CCNY: variants seen among roughly 807,000 people sequenced by gnomAD.
CCNY encodes cyclin-Y.
A neutral mutation model predicts 42.8 loss-of-function variants in CCNY; 19 were observed. The observed-to-expected ratio is 0.44, with a 90% CI of 0.31 to 0.65. The LOEUF (loss-of-function observed/expected upper bound fraction) is 0.65, where lower values mean the gene tolerates loss of function less well. Among genes scored for constraint, CCNY ranks in the 30% least tolerant of loss-of-function variants. The pLI is 0.07. For missense variants in CCNY, 370 were observed against 437.3 expected, an observed-to-expected ratio of 0.85 and a Z score of 1.37; for synonymous variants, 165 against 162.7, an observed-to-expected ratio of 1.01 and a Z score of -0.11.
At chr10:35,527,882 G>A (rs1040148305) in intron 5 of CCNY, among the ~76,000 whole-genome samples, 3 of 152,182 alleles carry the variant, frequency 2.0e-5, no homozygotes, top group African/African-American at 7.2e-5. Context: ...GTGGTGTGGT[G>A]CTGTTCAGTT....
At chr10:35,471,746 G>C (rs925861478) in intron 1 of CCNY, among the ~76,000 whole-genome samples, 1 of 152,206 alleles carries the variant, frequency 6.6e-6, no homozygotes, top group Non-Finnish European at 1.5e-5. Context: ...TAATTCAGCT[G>C]TGTGTCTTAA....
At chr10:35,384,486 G>A (rs569427301) in intron 1 of CCNY, among the ~76,000 whole-genome samples, 11 of 152,224 alleles carry the variant, frequency 7.2e-5, no homozygotes, top group African/African-American at 2.4e-4. Flanking sequence ...AGCTATCTAC[G>A]TAGGAACAAA....
intron 1 of CCNY, among the ~76,000 whole-genome samples, chr10:35,470,490 C>T (rs1000807706): frequency 1.3e-5 from 2 of 152,208 alleles, no homozygotes; most frequent in South Asian, 2.1e-4. Context: ...GACACAGAGA[C>T]ACACACTTGC....
chr10:35,391,528 G>A (rs957569797), intron 1 of CCNY, among the ~76,000 whole-genome samples: 4 of 152,178 alleles, frequency 2.6e-5, no homozygotes, highest in Non-Finnish European at 5.9e-5. Context: ...GCAAGTGGGC[G>A]ATGAGAACCA....
At position 35,493,653 on chromosome 10, in the gene CCNY, G is replaced by C. The variant is rs976313300; in HGVS notation, c.230-7848G>C. Among the ~76,000 whole-genome samples the C allele has an allele frequency of 8.6e-4, 131 of 152,170 alleles. 3 individuals are homozygous for C. The highest frequency in any genetic ancestry group is 1.8e-4 in the Non-Finnish European group (12 of 68,032). On this transcript the variant is annotated intron_variant, in intron 2 of 9. Transcript: ENST00000374704. Reference sequence around the variant, plus strand: ...CTCTGGAATCAGACTGCCTGAACTGGAGGCTTAGATCCAACACTCTCCACA... The same window carrying C: ...CTCTGGAATCAGACTGCCTGAACTGCAGGCTTAGATCCAACACTCTCCACA...
intron 1 of CCNY, among the ~76,000 whole-genome samples, chr10:35,373,251 ACTT>A (rs1697689281): frequency 6.6e-6 from 1 of 152,112 alleles, no homozygotes. Context: ...AATGAAACCT[ACTT>A]CTTAGGGCTG....
intron 8 of CCNY, among the ~76,000 whole-genome samples, chr10:35,560,901 C>A (rs1009466040): frequency 9.9e-5 from 15 of 152,166 alleles, no homozygotes; most frequent in African/African-American, 3.6e-4. Flanking sequence ...TCCTCGGTAG[C>A]CCTTTATGGG....
chr10:35,502,665 G>A (rs910093887), intron 3 of CCNY, among the ~76,000 whole-genome samples: 3 of 151,824 alleles, frequency 2.0e-5, no homozygotes, highest in African/African-American at 4.8e-5. Context: ...CTTTTCCCTC[G>A]GCCCCTTAAA....
chr10:35,393,226 A>G (rs921301505), intron 1 of CCNY, among the ~76,000 whole-genome samples: 1 of 152,182 alleles, frequency 6.6e-6, no homozygotes, highest in Non-Finnish European at 1.5e-5. Context: ...AGATCTAGTA[A>G]AGAGATGCTC....
chr10:35,524,049 A>G (rs1178166212), intron 4 of CCNY, among the ~76,000 whole-genome samples: 1 of 152,240 alleles, frequency 6.6e-6, no homozygotes, highest in Non-Finnish European at 1.5e-5. Flanking sequence ...CATGACTAGT[A>G]AACGAATGAA....
chr10:35,410,407 T>G (rs1489596084), intron 1 of CCNY, among the ~76,000 whole-genome samples: 1 of 152,082 alleles, frequency 6.6e-6, no homozygotes, highest in Admixed American at 6.5e-5. Flanking sequence ...CTTTTAAAAA[T>G]TATGATGAAC....
Position 35,379,316 on chromosome 10 carries a change from CT to C in CCNY, c.154+42111del, listed in dbSNP as rs1837125479. On this transcript the variant is annotated intron_variant, in intron 1 of 9. Transcript: ENST00000374704. ...CCCCCCTGGACCTGGATGGTTTGAA[CT>C]TCCTGCAAGTGCCAAAGGAGGGGGC... is the stretch of plus-strand genomic sequence containing the variant. 3.9e-5 allele frequency among the ~76,000 whole-genome samples: 6 copies of C among 152,250 alleles called. No homozygotes were observed. In the South Asian group the frequency reaches 1.2e-3, roughly 32 times the overall value.
chr10:35,310,821 A>G (rs1221227331), intron 3 of CCNY, among the ~76,000 whole-genome samples: 1 of 152,162 alleles, frequency 6.6e-6, no homozygotes, highest in East Asian at 1.9e-4. Context: ...AAGTTATATT[A>G]TTCACCAGGG....
chr10:35,397,102 G>C (rs1837543079), intron 1 of CCNY, among the ~76,000 whole-genome samples: 1 of 152,170 alleles, frequency 6.6e-6, no homozygotes. Context: ...TAGGGCTGGG[G>C]TCCCTCTGCC....
intron 1 of CCNY, among the ~76,000 whole-genome samples, chr10:35,438,275 A>T (rs1838584040): frequency 6.6e-6 from 1 of 151,594 alleles, no homozygotes; most frequent in East Asian, 1.9e-4. Context: ...CAGCCTTCCA[A>T]GTAGCTGGGA....
In CCNY at chr10:35,380,918, T is replaced by G. The variant is rs182546439; in HGVS notation, c.154+43711T>G. 2.6e-4 allele frequency among the ~76,000 whole-genome samples: 40 copies of G among 152,346 alleles called. 1 individual carries two copies. Among genetic ancestry groups the G allele is most frequent in the African/African-American group, 7.5e-4 (31 of 41,586 alleles). On this transcript the variant is annotated intron_variant, in intron 1 of 9. Transcript: ENST00000374704. ...TCTGTGGCTTTTCTCTTTCCTTTAT[T>G]CTTTTGATTCTTTTGCAACTGACTT...
At chr10:35,354,405 G>A (rs546420229) in intron 1 of CCNY, among the ~76,000 whole-genome samples, 4 of 152,098 alleles carry the variant, frequency 2.6e-5, no homozygotes, top group African/African-American at 9.6e-5. Flanking sequence ...GGCTGGTCTC[G>A]AACTCCTGAC....
chr10:35,476,735 C>T (rs1401619875), intron 1 of CCNY, among the ~76,000 whole-genome samples: 1 of 150,740 alleles, frequency 6.6e-6, no homozygotes, highest in African/African-American at 2.4e-5. Context: ...ACTAGAAAAG[C>T]AAGAGCAAAC....
chr10:35,556,544 A>G (rs1384019179), intron 8 of CCNY, among the ~76,000 whole-genome samples: 1 of 152,184 alleles, frequency 6.6e-6, no homozygotes, highest in Non-Finnish European at 1.5e-5. Context: ...TGTTCTCTGT[A>G]GAAAAGCTGA....
Sources: allele counts gnomAD v4.1 joint callset (sites outside exome capture counted in the v4.1 genomes callset), GRCh38; gene constraint gnomAD v4.1.1; transcripts MANE v1.5; gene names NCBI Gene and HGNC (gene_info 2026-07-23, HGNC 2026-07-21).